The following SYMPK variants were observed in gnomAD, a reference collection of about 807,000 sequenced individuals.
SYMPK encodes the protein symplekin.
SYMPK carries 49 observed loss-of-function variants against 136.4 expected under a neutral mutation model. That is an observed-to-expected ratio of 0.36 (90% CI 0.29 to 0.46). SYMPK has a LOEUF of 0.46. Ranked by LOEUF, SYMPK falls within the 20% of genes least tolerant of loss-of-function variation. SYMPK has a pLI of 1.00. For synonymous variants in SYMPK, 766 were observed against 713.0 expected (o/e 1.07, Z -1.19); for missense variants, 1,365 against 1,690.0 (o/e 0.81, Z 3.37).
At position 45,848,019 on chromosome 19, in the gene SYMPK, A is replaced by G. The variant is rs1971609751; in HGVS notation, c.427-18T>C. 6.4e-7 allele frequency: 1 copy of G among 1,561,258 alleles called. No homozygotes were observed. Among genetic ancestry groups the G allele is most frequent in the Non-Finnish European group, 8.7e-7 (1 of 1,147,048 alleles). On this transcript the variant is annotated intron_variant, in intron 6 of 26. Transcript: ENST00000245934. The stretch of plus-strand genomic sequence containing the variant: ...ACCATCCACTGCCAGCAGGCCAGGA[A>G]GGAATGGAAGAGACACACAAAGAGG...
At chr19:45,830,958 T>TG (rs1263449028) in intron 12 of SYMPK, 1 of 72,494 alleles carries the variant, frequency 1.4e-5, no homozygotes, top group Non-Finnish European at 3.4e-5. Flanking sequence ...TTTTGTGGTG[T>TG]GTAAGGGAGG....
intron 5 of SYMPK, 93 bp downstream of exon 5, chr19:45,852,219 G>A (rs912012776): frequency 2.4e-6 from 3 of 1,273,170 alleles, no homozygotes; most frequent in African/African-American, 2.9e-5. Context: ...GAAGCAGAGG[G>A]CAGGCCTCTC....
chr19:45,828,329 G>A, intron 14 of SYMPK: 1 of 214,656 alleles, frequency 4.7e-6, no homozygotes, highest in Non-Finnish European at 9.5e-6. Context: ...CATTCCAGGT[G>A]GACAGAACAG....
At chr19:45,859,427 G>C (rs1971909296) in intron 1 of SYMPK, among the ~76,000 whole-genome samples, 1 of 150,412 alleles carries the variant, frequency 6.6e-6, no homozygotes. Flanking sequence ...GCAAAACCCA[G>C]TCTCTGCTAA....
chr19:45,822,531 C>T (rs1970933413), intron 21 of SYMPK, among the ~76,000 whole-genome samples: 1 of 152,184 alleles, frequency 6.6e-6, no homozygotes, highest in Non-Finnish European at 1.5e-5. Context: ...CTGGAGCCTC[C>T]GCCCCTAGCT....
At chr19:45,831,233 G>A (rs914297960) in intron 12 of SYMPK, 151 bp downstream of exon 12, 7 of 480,696 alleles carry the variant, frequency 1.5e-5, no homozygotes, top group Non-Finnish European at 2.4e-5. Flanking sequence ...GCACTGACTC[G>A]GGAGTCAGAG....
At chr19:45,825,742 C>G in intron 17 of SYMPK, among the ~76,000 whole-genome samples, 1 of 152,196 alleles carries the variant, frequency 6.6e-6, no homozygotes, top group East Asian at 1.9e-4. Context: ...CCCGAGGGCC[C>G]TGGTCTCTTT....
At chr19:45,847,023 A>AC (rs1207422025) in intron 7 of SYMPK, among the ~76,000 whole-genome samples, 3 of 151,746 alleles carry the variant, frequency 2.0e-5, no homozygotes, top group Non-Finnish European at 4.4e-5. Flanking sequence ...CGAACTCCTG[A>AC]CCCCAAGTGA....
rs561703786 is a variant in SYMPK at position 45,841,034 on chromosome 19, G to A, written c.1087+1216C>T. ...GGAGTCTTGCTCTGTCACCCAGGAT[G>A]GAGTGCAATGGTGCAATCTTGGCTC... On this transcript the variant is annotated intron_variant, in intron 9 of 26. Coordinates refer to ENST00000245934, the MANE Select transcript of SYMPK (RefSeq NM_004819.3). 6.0e-5 allele frequency among the ~76,000 whole-genome samples: 9 copies of A among 150,982 alleles called. No homozygotes were observed. In the South Asian group the frequency reaches 1.9e-3, roughly 32 times the overall value.
At chr19:45,850,417 A>T (rs1971672339) in intron 5 of SYMPK, among the ~76,000 whole-genome samples, 1 of 152,208 alleles carries the variant, frequency 6.6e-6, no homozygotes, top group Non-Finnish European at 1.5e-5. Flanking sequence ...AGTGCCTTAC[A>T]AACAAATATT....
rs146050594 is a variant in SYMPK, at chr19:45,835,131, T to G, written c.1340A>C (p.Lys447Thr). The G allele has an allele frequency of 3.1e-6, 5 of 1,613,066 alleles. No homozygotes were observed. In the African/African-American group the frequency reaches 6.7e-5, roughly 22 times the overall value. The change falls in exon 11 of 27, where the codon AAG (lysine) becomes ACG (threonine). Residue 447 changes from lysine (K) to threonine (T), a missense_variant. By Grantham distance (78) the Lys-to-Thr change is moderately conservative (BLOSUM62 -1). Transcript: ENST00000245934. ...VESAGTEAQIKHLARLMATQM... is the reference protein window; with the variant it reads ...VESAGTEAQITHLARLMATQM... ...TGTGGCCATGAGCCGAGCCAGGTGCTTGATCTGGGCTTCCGTGCCTGCTGA... is the reference window on the plus strand; with the variant it reads ...TGTGGCCATGAGCCGAGCCAGGTGCGTGATCTGGGCTTCCGTGCCTGCTGA...
chr19:45,815,727 G>A (rs529489958), intron 26 of SYMPK, 30 bp from the exon 27 acceptor site: 12 of 1,603,862 alleles, frequency 7.5e-6, no homozygotes, highest in Admixed American at 6.8e-5. Context: ...AGGGCAGCCG[G>A]GTGGAGGGCG....
At chr19:45,820,891 C>T (rs1387669854) in intron 22 of SYMPK, 6 of 554,374 alleles carry the variant, frequency 1.1e-5, no homozygotes, top group South Asian at 4.8e-5. Flanking sequence ...GAGAGCCCAG[C>T]GCAGAGTGCT....
At chr19:45,860,135 A>G (rs1971928434) in intron 1 of SYMPK, among the ~76,000 whole-genome samples, 3 of 151,676 alleles carry the variant, frequency 2.0e-5, no homozygotes, top group Admixed American at 2.0e-4. Flanking sequence ...TTTCCAAAAA[A>G]AAAAAAGAAA....
intron 8 of SYMPK, 52 bp from the exon 9 acceptor site, chr19:45,842,541 T>C (rs776510338): frequency 1.0e-5 from 16 of 1,590,434 alleles, no homozygotes; most frequent in Non-Finnish European, 1.4e-5. Flanking sequence ...CATGGCATGC[T>C]GCCAGTCTTA....
rs1970701058 is a variant in SYMPK, at chr19:45,815,473, T to C, written c.*87A>G. The C allele has an allele frequency of 8.2e-7, 1 of 1,219,812 alleles. No homozygotes were observed. Among genetic ancestry groups the C allele is most frequent in the Non-Finnish European group, 1.1e-6 (1 of 902,962 alleles). 75.6% of individuals were successfully genotyped at this position (1,219,812 alleles called of 1,614,324 possible). A position where few individuals can be genotyped will look rare whatever the true frequency, so the allele number is the denominator to read the frequency against. On this transcript the variant is annotated 3_prime_UTR_variant, in exon 27 of 27. Coordinates refer to ENST00000245934, the MANE Select transcript of SYMPK (RefSeq NM_004819.3). ...GCCCAAGTTCACATCTTTTATTTCTTTTTAAGGCAAAGCACCCGCAGGTCA... is the reference window on the plus strand; with the variant it reads ...GCCCAAGTTCACATCTTTTATTTCTCTTTAAGGCAAAGCACCCGCAGGTCA...
At chr19:45,818,625 TGGG>T (rs1970810830) in intron 22 of SYMPK, among the ~76,000 whole-genome samples, 1 of 152,080 alleles carries the variant, frequency 6.6e-6, no homozygotes, top group Admixed American at 6.5e-5. Context: ...GCTGGGAAGA[TGGG>T]GGGTGCCAGG....
chr19:45,847,066 C>G (rs950129934), intron 7 of SYMPK, among the ~76,000 whole-genome samples: 14 of 151,926 alleles, frequency 9.2e-5, no homozygotes, highest in Non-Finnish European at 1.9e-4. Flanking sequence ...AATGCTGGGA[C>G]TATAAGCATG....
chr19:45,818,093 C>T lies in SYMPK; in HGVS notation c.2947G>A (p.Val983Met). The T allele has an allele frequency of 6.4e-7, 1 of 1,558,000 alleles. No individual in the cohort carries two copies. The highest frequency in any genetic ancestry group is 8.7e-7 in the Non-Finnish European group (1 of 1,150,874). The change falls in exon 23 of 27, where the codon GTG becomes ATG. Residue 983 changes from valine (V) to methionine (M), a missense_variant. Transcript: ENST00000245934. ...TGCTCCATCAGCTGCTGCATCACCA[C>T]GGCCAGCACCTCTGACGTGTACACG... The part of the protein sequence containing the change: ...RNVYTSEVLA[V>M]VMQQLMEQSP...
Sources: gnomAD v4.1 joint callset for allele counts (sites outside exome capture counted in the v4.1 genomes callset) on GRCh38, gnomAD v4.1.1 for gene constraint, MANE v1.5 for transcripts, NCBI Gene and HGNC (gene_info 2026-07-23, HGNC 2026-07-21) for gene names.